EBF2: variants seen among roughly 807,000 people sequenced by gnomAD.
EBF2 encodes transcription factor COE2.
Under a neutral mutation model 72.8 loss-of-function variants are expected in EBF2, and 21 were observed. That is an observed-to-expected ratio of 0.29 (90% CI 0.20 to 0.42). The LOEUF is 0.42. EBF2 is among the 10% of genes least tolerant of loss of function. The pLI is 1.00. For missense variants in EBF2, 637 were observed against 731.2 expected (o/e 0.87, Z 1.49); for synonymous variants, 299 against 274.2 (o/e 1.09, Z -0.89).
intron 6 of EBF2, among the ~76,000 whole-genome samples, chr8:26,007,234 C>T (rs557364498): frequency 1.3e-5 from 2 of 152,160 alleles, no homozygotes; most frequent in Admixed American, 6.5e-5. Flanking sequence ...AGCCTGGCCT[C>T]TTGGTGAGTG....
intron 10 of EBF2, among the ~76,000 whole-genome samples, chr8:25,866,635 ATTT>A (rs869254548): frequency 0.079 from 6,094 of 77,014 alleles, 186 homozygotes; most frequent in Middle Eastern, 0.14. Context: ...ATATATATAT[ATTT>A]TTTTTTTTTT....
intron 5 of EBF2, among the ~76,000 whole-genome samples, chr8:26,035,403 G>GA (rs1409304380): frequency 1.3e-5 from 2 of 151,918 alleles, no homozygotes; most frequent in Admixed American, 6.6e-5. Flanking sequence ...GCCCACATCG[G>GA]CCTCCCAAAG....
At chr8:25,851,803 G>A (rs565809814) in intron 14 of EBF2, among the ~76,000 whole-genome samples, 1 of 152,188 alleles carries the variant, frequency 6.6e-6, no homozygotes, top group Non-Finnish European at 1.5e-5. Flanking sequence ...AAATTCGAAA[G>A]TGAGGACAAG....
At chr8:25,955,160 C>T (rs1347628852) in intron 6 of EBF2, among the ~76,000 whole-genome samples, 1 of 152,350 alleles carries the variant, frequency 6.6e-6, no homozygotes, top group East Asian at 1.9e-4. Flanking sequence ...GCCACACTCC[C>T]CGGAGCCTGG....
chr8:25,920,407 T>C (rs12541213), intron 6 of EBF2, among the ~76,000 whole-genome samples: 80,721 of 152,108 alleles, frequency 0.53, 23,971 homozygotes, highest in East Asian at 0.74. Context: ...TAGAGCAGAA[T>C]TGAGAGTCAG....
At chr8:25,858,550 G>A (rs543116112) in intron 13 of EBF2, 46 bp from the exon 14 acceptor site, 259 of 1,572,328 alleles carry the variant, frequency 1.6e-4, no homozygotes, top group Non-Finnish European at 2.1e-4. Flanking sequence ...GGCGTGCACA[G>A]TCAGGCCACA....
intron 14 of EBF2, among the ~76,000 whole-genome samples, chr8:25,855,030 C>G (rs1001329013): frequency 1.3e-5 from 2 of 152,118 alleles, no homozygotes; most frequent in Non-Finnish European, 2.9e-5. Context: ...CAGAGAGAAC[C>G]ATTTTAGGAA....
intron 6 of EBF2, among the ~76,000 whole-genome samples, chr8:25,928,436 C>G (rs1183133858): frequency 6.6e-6 from 1 of 152,110 alleles, no homozygotes; most frequent in African/African-American, 2.4e-5. Flanking sequence ...CCAACTTGGC[C>G]CAGAAACCAA....
At chr8:26,021,534 T>C (rs1019255587) in intron 6 of EBF2, among the ~76,000 whole-genome samples, 2 of 152,214 alleles carry the variant, frequency 1.3e-5, no homozygotes, top group Admixed American at 1.3e-4. Context: ...AGGATTCAGA[T>C]AGGTTTGCCA....
At chr8:25,919,852 C>T (rs948403620) in intron 6 of EBF2, among the ~76,000 whole-genome samples, 7 of 152,174 alleles carry the variant, frequency 4.6e-5, no homozygotes, top group Admixed American at 3.3e-4. Flanking sequence ...CAACAACTAA[C>T]TCAAGTGCAA....
rs755300574 is a variant in EBF2 at position 25,874,473 on chromosome 8, T to G, written c.1010-11676A>C. On this transcript the variant is annotated intron_variant, in intron 10 of 15. Coordinates refer to ENST00000520164, the MANE Select transcript of EBF2 (RefSeq NM_022659.4). ...GAAGTATTCTGGGAGAGGGGGTTAG[T>G]TAGCATGAATTATCTGGTTTCTTGG... Among the ~76,000 whole-genome samples the G allele has an allele frequency of 5.5e-4, 84 of 152,180 alleles. 1 individual carries two copies. The highest frequency in any genetic ancestry group is 9.6e-4 in the Non-Finnish European group (65 of 68,016).
intron 6 of EBF2, among the ~76,000 whole-genome samples, chr8:25,967,726 G>A (rs985201745): frequency 1.3e-5 from 2 of 152,208 alleles, no homozygotes; most frequent in African/African-American, 2.4e-5. Flanking sequence ...CTCCATGAAT[G>A]CAGCAAAGAG....
intron 6 of EBF2, among the ~76,000 whole-genome samples, chr8:25,960,390 GCCCATCAT>G (rs1804016988): frequency 6.6e-6 from 1 of 152,182 alleles, no homozygotes; most frequent in Non-Finnish European, 1.5e-5. Context: ...ACGTAGTACT[GCCCATCAT>G]CCCAACCATG....
intron 6 of EBF2, among the ~76,000 whole-genome samples, chr8:26,028,877 C>G (rs1324619976): frequency 1.3e-5 from 2 of 152,256 alleles, no homozygotes; most frequent in Non-Finnish European, 1.5e-5. Flanking sequence ...GATTTCTACA[C>G]TAAAAATTAA....
chr8:25,951,510 T>C (rs1803861654), intron 6 of EBF2, among the ~76,000 whole-genome samples: 1 of 152,212 alleles, frequency 6.6e-6, no homozygotes, highest in Non-Finnish European at 1.5e-5. Flanking sequence ...TCATGATGGC[T>C]CTGTCCAAAT....
At chr8:25,889,703 T>C (rs1275133385) in intron 8 of EBF2, 49 bp downstream of exon 8, 2 of 1,444,220 alleles carry the variant, frequency 1.4e-6, no homozygotes, top group East Asian at 2.3e-5. Flanking sequence ...AACAAGGAAA[T>C]TCGTGGAGAA....
chr8:25,999,140 T>C (rs1252361643), intron 6 of EBF2, among the ~76,000 whole-genome samples: 1 of 152,210 alleles, frequency 6.6e-6, no homozygotes, highest in East Asian at 1.9e-4. Flanking sequence ...AAAACAGACA[T>C]GTACCCAATA....
chr8:25,999,772 T>G (rs1428917284), intron 6 of EBF2, among the ~76,000 whole-genome samples: 2 of 152,078 alleles, frequency 1.3e-5, no homozygotes, highest in African/African-American at 4.8e-5. Flanking sequence ...TCAGCTCTTC[T>G]CTGTTTAGTC....
chr8:25,927,467 C>T (rs1033073468), intron 6 of EBF2, among the ~76,000 whole-genome samples: 2 of 151,606 alleles, frequency 1.3e-5, no homozygotes, highest in Non-Finnish European at 2.9e-5. Flanking sequence ...CTCTGGAGAA[C>T]CCTGGCTGAT....
Sources: allele counts gnomAD v4.1 joint callset (sites outside exome capture counted in the v4.1 genomes callset), GRCh38; gene constraint gnomAD v4.1.1; transcripts MANE v1.5; gene names NCBI Gene and HGNC (gene_info 2026-07-23, HGNC 2026-07-21).